Variants in SLC47A1 observed in about 807,000 individuals in gnomAD.
The protein encoded by SLC47A1 is multidrug and toxin extrusion protein 1.
SLC47A1 carries 58 observed loss-of-function variants against 65.8 expected under a neutral mutation model. That is an observed-to-expected ratio of 0.88 (90% CI 0.71 to 1.10). The LOEUF (loss-of-function observed/expected upper bound fraction) is 1.10. SLC47A1 is among the 50% of genes least tolerant of loss of function. The pLI, the probability that SLC47A1 is intolerant of heterozygous loss-of-function variation, is 0.00. For missense variants in SLC47A1, 706 were observed against 719.2 expected (o/e 0.98, Z 0.21); for synonymous variants, 285 against 295.0 (o/e 0.97, Z 0.35).
rs2084400376 is a variant in SLC47A1, at chr17:19,571,579, A to G, written c.1404+7A>G. The G allele has an allele frequency of 3.1e-6, 5 of 1,608,410 alleles. No individual in the cohort carries two copies. The highest frequency in any genetic ancestry group is 1.7e-5 in the Admixed American group (1 of 59,878). ...GAAAAAAGCCTGTCAGCAGGTAACT[A>G]TGTTCATTCTGTCCCGGTAAAGGTT... is the stretch of plus-strand genomic sequence containing the variant. On this transcript the variant is annotated splice_region_variant and intron_variant, in intron 15 of 16. Coordinates refer to ENST00000270570, the MANE Select transcript of SLC47A1 (RefSeq NM_018242.3).
intron 14 of SLC47A1, among the ~76,000 whole-genome samples, chr17:19,569,257 A>G (rs1282250071): frequency 6.6e-6 from 1 of 151,990 alleles, no homozygotes; most frequent in Admixed American, 6.6e-5. Context: ...CTGTAGTTCC[A>G]GCTACTTGGG....
At chr17:19,537,873 G>A (rs144543786) in intron 1 of SLC47A1, among the ~76,000 whole-genome samples, 5 of 152,202 alleles carry the variant, frequency 3.3e-5, no homozygotes, top group Admixed American at 1.3e-4. Context: ...AGTCCTCCCC[G>A]ACAGACAAGT....
Position 19,555,178 on chromosome 17 carries a change from A to C in SLC47A1, c.544-34A>C, listed in dbSNP as rs1406196430. The C allele has an allele frequency of 2.5e-6, 4 of 1,591,660 alleles. No individual in the cohort carries two copies. The South Asian group carries it at 4.4e-5, about 18-fold the overall frequency. ...GCAGAAAGGCAGTCCTATTCTGTGG[A>C]TCTCAAGGATGGCATGCGGTGTCCT... On this transcript the variant is annotated intron_variant, in intron 6 of 16. Coordinates refer to ENST00000270570, the MANE Select transcript of SLC47A1 (RefSeq NM_018242.3).
intron 6 of SLC47A1, 89 bp downstream of exon 6, chr17:19,551,557 G>A (rs1916448593): frequency 1.7e-6 from 2 of 1,198,358 alleles, no homozygotes; most frequent in African/African-American, 3.0e-5. Flanking sequence ...CCAGGACCAG[G>A]GACCCCAGGG....
At position 19,554,668 on chromosome 17, in the gene SLC47A1, C is replaced by T. The variant is rs542479625; in HGVS notation, c.544-544C>T. Among the ~76,000 whole-genome samples the T allele has an allele frequency of 1.3e-4, 20 of 152,232 alleles. 1 individual carries two copies. In the South Asian group the frequency reaches 4.2e-3, roughly 32 times the overall value. On this transcript the variant is annotated intron_variant, in intron 6 of 16. Transcript: ENST00000270570. ...CAGGACAGAGTTTTACTTCCTTGGTCTGATGTAATTTTACTTTCACCCCTG... is the reference window on the plus strand; with the variant it reads ...CAGGACAGAGTTTTACTTCCTTGGTTTGATGTAATTTTACTTTCACCCCTG...
At chr17:19,572,041 C>A (rs1182418275) in intron 15 of SLC47A1, among the ~76,000 whole-genome samples, 1 of 152,146 alleles carries the variant, frequency 6.6e-6, no homozygotes, top group African/African-American at 2.4e-5. Flanking sequence ...GTAGTCCCAG[C>A]TATTCAGGAG....
At chr17:19,553,576 C>T (rs1485474437) in intron 6 of SLC47A1, among the ~76,000 whole-genome samples, 5 of 139,402 alleles carry the variant, frequency 3.6e-5, no homozygotes, top group Non-Finnish European at 7.6e-5. Context: ...GATGGAGTCT[C>T]TGTTGCCCAG....
rs1712985517 is a variant in SLC47A1, at chr17:19,577,368, G to A, written c.1528G>A (p.Gly510Arg). The stretch of plus-strand genomic sequence containing the variant: ...TGAAGGAATTTTAACGAACGATGTT[G>A]GAAAGACAGGCGAGCCTCAGTCAGA... Reference protein sequence around the residue: ...NLEGILTNDVGKTGEPQSDQQ... With the variant: ...NLEGILTNDVRKTGEPQSDQQ... Residue 510 changes from glycine to arginine, a missense_variant, in exon 17 of 17, where the codon GGA becomes AGA. Physicochemically the swap from Gly to Arg is moderately radical, Grantham distance 125. Coordinates refer to ENST00000270570, the MANE Select transcript of SLC47A1 (RefSeq NM_018242.3). 6.2e-7 allele frequency: 1 copy of A among 1,614,058 alleles called. No individual in the cohort carries two copies.
rs1345817467 is a variant in SLC47A1 at position 19,560,436 on chromosome 17, T to C, written c.1049T>C (p.Phe350Ser). 6.2e-7 allele frequency: 1 copy of C among 1,614,098 alleles called. No individual in the cohort carries two copies. Among genetic ancestry groups the C allele is most frequent in the African/African-American group, 1.3e-5 (1 of 74,924 alleles). ...LLITVLFAVA[F>S]SVLLLSCKDH... ...CCTTCAGTGCTCTTTGCTGTAGCCT[T>C]CAGTGTCCTGCTGTTAAGCTGTAAG... The change falls in exon 12 of 17, where the codon TTC becomes TCC. Residue 350 changes from phenylalanine to serine, a missense_variant. Phe to Ser is a radical substitution (Grantham distance 155). Coordinates refer to ENST00000270570, the MANE Select transcript of SLC47A1 (RefSeq NM_018242.3).
In SLC47A1 at chr17:19,567,119, G is replaced by A. The variant is rs147590035; in HGVS notation, c.1200G>A (p.Arg400=). The change falls in exon 14 of 17, where the codon AGG becomes AGA. Residue 400 remains arginine, a synonymous_variant. Transcript: ENST00000270570. ...ALACTSGGVL[R]GSGNQKVGAI... is the part of the protein sequence containing the mutation. ...AGTGCACGAGTGGTGGTGTTCTGAG[G>A]GGGAGTGGAAATCAGAAGGTTGGAG... 9 of 1,614,064 alleles carry A rather than the reference G, an allele frequency of 5.6e-6. No individual in the cohort carries two copies. In the South Asian group the frequency reaches 6.6e-5, roughly 12 times the overall value.
At chr17:19,562,702 A>G (rs1225438644) in intron 12 of SLC47A1, among the ~76,000 whole-genome samples, 1 of 152,212 alleles carries the variant, frequency 6.6e-6, no homozygotes, top group Non-Finnish European at 1.5e-5. Flanking sequence ...CAGAAGGAAT[A>G]TAGTAGAAGC....
At chr17:19,577,267 C>A in intron 16 of SLC47A1, 60 bp from the exon 17 acceptor site, 1 of 1,587,096 alleles carries the variant, frequency 6.3e-7, no homozygotes, top group Non-Finnish European at 8.6e-7. Flanking sequence ...TATACATAGC[C>A]CTTTATAAAA....
chr17:19,571,706 T>C (rs2084401387), intron 15 of SLC47A1, 134 bp downstream of exon 15: 1 of 673,278 alleles, frequency 1.5e-6, no homozygotes, highest in Admixed American at 3.0e-5. Context: ...CTATTGTTCT[T>C]GTTGTTTTAA....
intron 1 of SLC47A1, among the ~76,000 whole-genome samples, chr17:19,538,671 C>A (rs148468585): frequency 2.6e-5 from 4 of 152,150 alleles, no homozygotes; most frequent in Non-Finnish European, 5.9e-5. Flanking sequence ...GGGCTAGTTG[C>A]GAAACCTCCT....
chr17:19,567,668 C>T (rs944099727), intron 14 of SLC47A1: 15 of 194,614 alleles, frequency 7.7e-5, no homozygotes, highest in Admixed American at 2.7e-4. Context: ...GGCGGTCCTG[C>T]GTGCGTGGGG....
At chr17:19,561,316 G>A (rs1212366847) in intron 12 of SLC47A1, among the ~76,000 whole-genome samples, 1 of 151,808 alleles carries the variant, frequency 6.6e-6, no homozygotes, top group Non-Finnish European at 1.5e-5. Flanking sequence ...GCCACCTATG[G>A]TTGTTGCAGC....
chr17:19,547,765 C>T (rs1049472002), intron 3 of SLC47A1, among the ~76,000 whole-genome samples: 2 of 148,506 alleles, frequency 1.3e-5, no homozygotes, highest in African/African-American at 2.5e-5. Flanking sequence ...CTGTGTCCCC[C>T]AGGCTGGAGT....
chr17:19,570,577 C>T (rs1209390327), intron 14 of SLC47A1, among the ~76,000 whole-genome samples: 1 of 152,216 alleles, frequency 6.6e-6, no homozygotes, highest in African/African-American at 2.4e-5. Context: ...CTAATCAAGT[C>T]CTGGCCATCT....
At chr17:19,564,615 C>A (rs186030100) in intron 12 of SLC47A1, 1 of 152,094 alleles carries the variant, frequency 6.6e-6, no homozygotes, top group South Asian at 2.1e-4. Flanking sequence ...CATTTTTTGA[C>A]CATGTGCATG....
Sources: gnomAD v4.1 joint callset for allele counts (sites outside exome capture counted in the v4.1 genomes callset) on GRCh38, gnomAD v4.1.1 for gene constraint, MANE v1.5 for transcripts, NCBI Gene and HGNC (gene_info 2026-07-23, HGNC 2026-07-21) for gene names.